Variants in MERTK observed in about 807,000 individuals in gnomAD.
MERTK encodes tyrosine-protein kinase Mer.
Under a neutral mutation model 99.3 loss-of-function variants are expected in MERTK, and 69 were observed. The observed-to-expected ratio is 0.70, with a 90% confidence interval of 0.57 to 0.85. MERTK has a LOEUF of 0.85. Ranked by LOEUF, MERTK falls within the 40% of genes least tolerant of loss-of-function variation. MERTK has a pLI of 0.00. For missense variants in MERTK, 1,125 were observed against 1,249.4 expected, an observed-to-expected ratio of 0.90 and a Z score of 1.50; for synonymous variants, 426 against 467.6, an observed-to-expected ratio of 0.91 and a Z score of 1.15.
At chr2:111,965,357 G>GATCCACACCCAGGCA in intron 5 of MERTK, 80 bp downstream of exon 5, 1 of 1,367,936 alleles carries the variant, frequency 7.3e-7, no homozygotes, top group Non-Finnish European at 1.0e-6. Flanking sequence ...TGGCTGCCTG[G>GATCCACACCCAGGCA]GTGTGGATCC....
In MERTK at chr2:112,003,199, A is replaced by G; in HGVS notation, c.1786+12A>G. On this transcript the variant is annotated intron_variant, in intron 12 of 18. Transcript: ENST00000295408. ...AATTCTGGGTGAAGGTAAGCAATTT[A>G]AAGTAATTCTTTTAAAATGTGGGAT... is the stretch of plus-strand genomic sequence containing the variant. The G allele has an allele frequency of 7.9e-7, 1 of 1,273,026 alleles. No individual in the cohort carries two copies. 78.9% of individuals were successfully genotyped at this position (1,273,026 alleles called of 1,614,324 possible).
At chr2:111,926,372 G>C (rs1684567598) in intron 1 of MERTK, among the ~76,000 whole-genome samples, 1 of 152,214 alleles carries the variant, frequency 6.6e-6, no homozygotes, top group Admixed American at 6.5e-5. Context: ...TCAGTGAATA[G>C]GAAGAACCAC....
intron 13 of MERTK, among the ~76,000 whole-genome samples, chr2:112,007,336 A>G (rs1408027427): frequency 2.0e-5 from 3 of 152,100 alleles, no homozygotes; most frequent in African/African-American, 7.2e-5. Context: ...TTGTATTTTT[A>G]GTAGAGACAG....
intron 16 of MERTK, among the ~76,000 whole-genome samples, chr2:112,020,177 C>T (rs1213435867): frequency 3.9e-5 from 6 of 152,332 alleles, no homozygotes; most frequent in East Asian, 3.9e-4. Context: ...TGCCCCCTCC[C>T]GCCTCCCAGC....
At chr2:111,947,343 G>A (rs952490267) in intron 3 of MERTK, 51 bp from the exon 4 acceptor site, 10 of 1,600,486 alleles carry the variant, frequency 6.2e-6, no homozygotes, top group Middle Eastern at 1.7e-4. Flanking sequence ...TTTGGGCTCT[G>A]TCTCTGTTTT....
intron 3 of MERTK, 36 bp from the exon 4 acceptor site, chr2:111,947,358 T>G (rs1684978473): frequency 6.2e-7 from 1 of 1,608,580 alleles, no homozygotes; most frequent in Non-Finnish European, 8.5e-7. Flanking sequence ...TGTTTTCAGA[T>G]CTGAAACATT....
At chr2:112,010,277 A>T (rs1287013123) in intron 15 of MERTK, 24 of 512,112 alleles carry the variant, frequency 4.7e-5, no homozygotes, top group Non-Finnish European at 8.1e-5. Flanking sequence ...ATGGTGGGTA[A>T]GTGGCTGCGT....
chr2:111,975,985 A>G (rs1485820194), intron 7 of MERTK, among the ~76,000 whole-genome samples: 1 of 150,860 alleles, frequency 6.6e-6, no homozygotes, highest in Non-Finnish European at 1.5e-5. Context: ...TGCCAATCAC[A>G]AGTCTGGGCC....
chr2:111,964,368 CGTGTGTGT>C (rs200168355), intron 4 of MERTK, among the ~76,000 whole-genome samples: 290 of 141,272 alleles, frequency 2.1e-3, no homozygotes, highest in Middle Eastern at 4.0e-3. Context: ...ATCATTGTCT[CGTGTGTGT>C]GTGTGTGTGT....
chr2:111,938,129 C>T (rs892005626), intron 2 of MERTK, among the ~76,000 whole-genome samples: 1 of 151,988 alleles, frequency 6.6e-6, no homozygotes, highest in African/African-American at 2.4e-5. Flanking sequence ...CAGGCTGGAG[C>T]GCAGTGGTGC....
At chr2:111,979,463 G>A (rs1177901569) in intron 7 of MERTK, among the ~76,000 whole-genome samples, 1 of 151,560 alleles carries the variant, frequency 6.6e-6, no homozygotes, top group African/African-American at 2.4e-5. Context: ...TGTGCAATTT[G>A]TTTTGGTCAT....
chr2:112,029,066 C>A lies in MERTK; in HGVS notation c.*202C>A. On this transcript the variant is annotated 3_prime_UTR_variant, in exon 19 of 19. Transcript: ENST00000295408. ...TTAAAGAGAAAAAATATGTGTATAT[C>A]ATGGAAAAAGACAAGGATATTTTAA... 1 of 1,301,614 alleles carries A rather than the reference C, an allele frequency of 7.7e-7. No homozygotes were observed. Among genetic ancestry groups the A allele is most frequent in the Non-Finnish European group, 9.8e-7 (1 of 1,017,264 alleles). 80.6% of individuals were successfully genotyped at this position (1,301,614 alleles called of 1,614,324 possible).
In MERTK at chr2:112,028,580, T is replaced by C. The variant is rs765360858; in HGVS notation, c.2716T>C (p.Cys906Arg). Residue 906 changes from cysteine (C) to arginine (R), a missense_variant, in exon 19 of 19, where the codon TGC (cysteine) becomes CGC (arginine). Transcript: ENST00000295408. The part of the protein sequence containing the change: ...NIDPDSIIAS[C>R]TPRAAISVVT... ...CGACCCTGACTCTATAATTGCCTCCTGCACTCCCCGCGCTGCCATCAGTGT... is the reference window on the plus strand; with the variant it reads ...CGACCCTGACTCTATAATTGCCTCCCGCACTCCCCGCGCTGCCATCAGTGT... 6.2e-6 allele frequency: 10 copies of C among 1,614,056 alleles called. No individual in the cohort carries two copies. The South Asian group carries it at 1.1e-4, about 18-fold the overall frequency.
intron 4 of MERTK, among the ~76,000 whole-genome samples, chr2:111,953,773 C>T (rs1685098407): frequency 6.6e-6 from 1 of 152,218 alleles, no homozygotes. Context: ...TGGGGTTTCA[C>T]CATGTTGGCC....
chr2:111,975,200 G>T, intron 6 of MERTK, 89 bp from the exon 7 acceptor site: 1 of 1,277,780 alleles, frequency 7.8e-7, no homozygotes, highest in Non-Finnish European at 1.1e-6. Context: ...GTAGAGGAAG[G>T]GCCACGTGCA....
intron 1 of MERTK, among the ~76,000 whole-genome samples, chr2:111,904,446 G>A (rs1277996376): frequency 3.3e-5 from 5 of 149,970 alleles, no homozygotes; most frequent in African/African-American, 9.8e-5. Context: ...GCGCGATCTC[G>A]GCTCACTGCA....
chr2:111,969,689 CTTTTTTTT>C (rs35055243), intron 6 of MERTK, among the ~76,000 whole-genome samples: 1 of 119,182 alleles, frequency 8.4e-6, no homozygotes, highest in African/African-American at 3.3e-5. Flanking sequence ...TCCAGCCTTT[CTTTTTTTT>C]TTTTTTTTTT....
chr2:111,982,774 AC>A, intron 7 of MERTK, 67 bp from the exon 8 acceptor site: 1 of 1,570,760 alleles, frequency 6.4e-7, no homozygotes, highest in Non-Finnish European at 8.7e-7. Flanking sequence ...ACACTTGAAA[AC>A]CCAGATGAGA....
At chr2:111,946,976 G>T (rs1214714567) in intron 3 of MERTK, among the ~76,000 whole-genome samples, 1 of 152,154 alleles carries the variant, frequency 6.6e-6, no homozygotes, top group Non-Finnish European at 1.5e-5. Flanking sequence ...TGTAGATAAA[G>T]AACTCTTGTT....
Sources: gnomAD v4.1 joint callset for allele counts (sites outside exome capture counted in the v4.1 genomes callset) on GRCh38, gnomAD v4.1.1 for gene constraint, MANE v1.5 for transcripts, NCBI Gene and HGNC (gene_info 2026-07-23, HGNC 2026-07-21) for gene names.